SLC30A10: variants seen among roughly 807,000 people sequenced by gnomAD.
The protein encoded by SLC30A10 is calcium/manganese antiporter SLC30A10.
SLC30A10 carries 8 observed loss-of-function variants against 21.7 expected under a neutral mutation model. The ratio of observed to expected loss-of-function variants is 0.37; its 90% CI spans 0.22 to 0.67. The LOEUF (loss-of-function observed/expected upper bound fraction) is 0.67, where lower values mean the gene tolerates loss of function less well. Among genes scored for constraint, SLC30A10 ranks in the 30% least tolerant of loss-of-function variants. SLC30A10 has a pLI of 0.58. For missense variants in SLC30A10, 521 were observed against 642.5 expected (o/e 0.81, Z 2.04); for synonymous variants, 272 against 279.4 (o/e 0.97, Z 0.26).
At chr1:219,952,403 A>T (rs1363464063) in intron 1 of SLC30A10, among the ~76,000 whole-genome samples, 4 of 152,194 alleles carry the variant, frequency 2.6e-5, no homozygotes, top group African/African-American at 4.8e-5. Context: ...TGGTATGTTC[A>T]TTTGCACATT....
At position 219,915,268 on chromosome 1, in the gene SLC30A10, TAGTTACATAA is replaced by T. The variant is rs1256626522; in HGVS notation, c.*171_*180del. 12 of 701,090 alleles carry T rather than the reference TAGTTACATAA, an allele frequency of 1.7e-5. No homozygotes were observed. Among genetic ancestry groups the T allele is most frequent in the Non-Finnish European group, 2.7e-5 (11 of 409,270 alleles). The allele number at this position is 701,090 out of a possible 1,614,324, so 43.4% of individuals were successfully genotyped here. ...GACACCCAGGGGAATGGAAAGGAGT[TAGTTACATAA>T]AAATTCACAGACACGTTTAACTAAA... is the stretch of plus-strand genomic sequence containing the variant. On this transcript the variant is annotated 3_prime_UTR_variant, in exon 4 of 4. Transcript: ENST00000366926.
intron 2 of SLC30A10, among the ~76,000 whole-genome samples, chr1:219,921,754 C>T (rs1440027135): frequency 6.6e-6 from 1 of 152,118 alleles, no homozygotes; most frequent in Non-Finnish European, 1.5e-5. Flanking sequence ...CAGTATCCCA[C>T]TCAATTCCTG....
rs368011915 is a variant in SLC30A10, at chr1:219,957,226, T to A, written n.80+1342A>T. Among the ~76,000 whole-genome samples the A allele has an allele frequency of 4.7e-4, 72 of 152,292 alleles. 1 individual carries two copies. The highest frequency in any genetic ancestry group is 1.7e-3 in the African/African-American group (70 of 41,560). ...AAAAATCTAGACTCTAGTTTCTAAT[T>A]TATTTTTATGTTTACCACATCCTAC... is the stretch of plus-strand genomic sequence containing the variant. On this transcript the variant is annotated intron_variant and non_coding_transcript_variant, in intron 1 of 8. Coordinates refer to the SLC30A10 transcript ENST00000484239.
chr1:219,911,142 T>C lies in SLC30A10; in HGVS notation c.*4307A>G, dbSNP rs1391594498. On this transcript the variant is annotated 3_prime_UTR_variant, in exon 4 of 4. Transcript: ENST00000366926. ...TCAGGTCATGTTTCTTCATTTTTTC[T>C]ACATCAGTTTTTTTTTTTTTTTTTT... Among the ~76,000 whole-genome samples the C allele has an allele frequency of 7.2e-6, 1 of 138,688 alleles. No individual in the cohort carries two copies. Among genetic ancestry groups the C allele is most frequent in the Non-Finnish European group, 1.5e-5 (1 of 65,472 alleles). The allele number at this position is 138,688 out of a possible 152,430, so 91.0% of individuals were successfully genotyped here. A position where few individuals can be genotyped will look rare whatever the true frequency, so the allele number is the denominator to read the frequency against.
At chr1:219,928,942 G>A (rs1380923387), upstream of SLC30A10, among the ~76,000 whole-genome samples, 2 of 152,246 alleles carry the variant, frequency 1.3e-5, no homozygotes, top group Admixed American at 1.3e-4. This position sits in a 1 kb window ranked among gnomAD's most constrained non-coding sequence, Gnocchi z 6.3. Flanking sequence ...GTTCGCTGCG[G>A]TGGACTGGGA....
At chr1:219,917,473 T>C (rs1659569944) in intron 3 of SLC30A10, among the ~76,000 whole-genome samples, 1 of 152,166 alleles carries the variant, frequency 6.6e-6, no homozygotes, top group African/African-American at 2.4e-5. Context: ...TCCCACCACC[T>C]GCTCTGCCTG....
chr1:219,917,708 C>CTTTTTTTTTTTTTT (rs35106027), intron 3 of SLC30A10, among the ~76,000 whole-genome samples: 7 of 104,106 alleles, frequency 6.7e-5, no homozygotes, highest in African/African-American at 1.6e-4. Context: ...TTTTTCTTTC[C>CTTTTTTTTTTTTTT]TTTTTTTTTT....
At chr1:219,947,961 C>T (rs1294107097) in intron 1 of SLC30A10, among the ~76,000 whole-genome samples, 1 of 151,742 alleles carries the variant, frequency 6.6e-6, no homozygotes, top group African/African-American at 2.4e-5. Context: ...TTCTTATACA[C>T]CAATAACAGA....
chr1:219,913,795 TC>T lies in SLC30A10; in HGVS notation c.*1653del, dbSNP rs1157076498. 1.4e-4 allele frequency: 21 copies of T among 152,166 alleles called. No homozygotes were observed. The highest frequency in any genetic ancestry group is 5.1e-4 in the African/African-American group (21 of 41,440). 9.4% of individuals were successfully genotyped at this position (152,166 alleles called of 1,614,324 possible). A position where few individuals can be genotyped will look rare whatever the true frequency, so the allele number is the denominator to read the frequency against. On this transcript the variant is annotated 3_prime_UTR_variant, in exon 4 of 4. Coordinates refer to ENST00000366926, the MANE Select transcript of SLC30A10 (RefSeq NM_018713.3). ...ATACATTTTCAAGGAATAAAGAATT[TC>T]CTGGCCAGGTGCAGTGGCTCATGAC...
Position 219,928,101 on chromosome 1 carries a change from C to T in SLC30A10, c.340G>A (p.Glu114Lys), listed in dbSNP as rs1659890978. Residue 114 changes from glutamate (E) to lysine (K), a missense_variant, in exon 1 of 4, where the codon GAG becomes AAG. Physicochemically the swap from Glu to Lys is moderately conservative, Grantham distance 56. Transcript: ENST00000366926. The surrounding 1 kb of genome is among the most constrained non-coding windows in gnomAD (Gnocchi z 6.3). ...AGGACGCCGACGATGAGCACCAGCT[C>T]GGGGTCATCGATGCGCTCGGGCCGG... ...LARPERIDDPELVLIVGVLGL... is the reference protein window; with the variant it reads ...LARPERIDDPKLVLIVGVLGL... The T allele has an allele frequency of 6.3e-7, 1 of 1,580,006 alleles. No individual in the cohort carries two copies. The highest frequency in any genetic ancestry group is 8.6e-7 in the Non-Finnish European group (1 of 1,164,138).
chr1:219,911,173 T>TTTTTTTTA lies in SLC30A10; in HGVS notation c.*4275_*4276insTAAAAAAA, dbSNP rs1659408967. ...AGTTTTTTTTTTTTTTTTTTTTTTT[T>TTTTTTTTA]TGCAGTCTTTTACTACAGGAATGTG... On this transcript the variant is annotated 3_prime_UTR_variant, in exon 4 of 4. Transcript: ENST00000366926. Among the ~76,000 whole-genome samples, 1 of 140,014 alleles carries TTTTTTTTA rather than the reference T, an allele frequency of 7.1e-6. No homozygotes were observed. Among genetic ancestry groups the TTTTTTTTA allele is most frequent in the Non-Finnish European group, 1.5e-5 (1 of 65,168 alleles). The allele number at this position is 140,014 out of a possible 152,430, so 91.9% of individuals were successfully genotyped here.
upstream of SLC30A10, among the ~76,000 whole-genome samples, chr1:219,929,398 C>T (rs1201917150): frequency 6.6e-6 from 1 of 152,302 alleles, no homozygotes; most frequent in East Asian, 1.9e-4. Context: ...GGCTGACCTC[C>T]TCTGTGTACT....
chr1:219,939,490 A>G (rs1373372948), intron 1 of SLC30A10, among the ~76,000 whole-genome samples: 3 of 151,756 alleles, frequency 2.0e-5, no homozygotes, highest in Non-Finnish European at 4.4e-5. Flanking sequence ...TGCAGTGGCC[A>G]TTATCTTGGA....
intron 1 of SLC30A10, 149 bp downstream of exon 1, chr1:219,927,652 A>C (rs1195146043): frequency 3.3e-5 from 18 of 551,954 alleles, no homozygotes; most frequent in African/African-American, 6.5e-5. Flanking sequence ...AAAAAAAAAA[A>C]AAAAAAAAAA....
chr1:219,948,768 T>G (rs1660225485), intron 1 of SLC30A10, among the ~76,000 whole-genome samples: 3 of 152,094 alleles, frequency 2.0e-5, no homozygotes, highest in Admixed American at 2.0e-4. Flanking sequence ...AAATGGGATC[T>G]AATTAAACTA....
intron 2 of SLC30A10, among the ~76,000 whole-genome samples, chr1:219,924,394 C>G (rs1450997223): frequency 6.6e-6 from 1 of 152,050 alleles, no homozygotes; most frequent in African/African-American, 2.4e-5. Context: ...TTGGGGAAGT[C>G]GTCAAACTCT....
At position 219,928,556 on chromosome 1, in the gene SLC30A10, T is replaced by G; in HGVS notation, c.-116A>C. On this transcript the variant is annotated 5_prime_UTR_variant, in exon 1 of 4. Transcript: ENST00000366926. This position sits in a 1 kb window ranked among gnomAD's most constrained non-coding sequence, Gnocchi z 6.3. ...TGAGGCCCGGTACCCGCCTCCCAGA[T>G]TGTCTCGCCGGCCCTGCCCCACCGC... 2 of 966,008 alleles carry G rather than the reference T, an allele frequency of 2.1e-6. No homozygotes were observed. The highest frequency in any genetic ancestry group is 2.8e-6 in the Non-Finnish European group (2 of 705,248). 59.8% of individuals were successfully genotyped at this position (966,008 alleles called of 1,614,324 possible). A position where few individuals can be genotyped will look rare whatever the true frequency, so the allele number is the denominator to read the frequency against.
chr1:219,953,769 C>T lies in SLC30A10; in HGVS notation n.80+4799G>A, dbSNP rs189558996. 8.5e-3 allele frequency among the ~76,000 whole-genome samples: 1,282 copies of T among 150,856 alleles called. 14 individuals carry two copies. The highest frequency in any genetic ancestry group is 0.03 in the African/African-American group (1,219 of 40,988). On this transcript the variant is annotated intron_variant and non_coding_transcript_variant, in intron 1 of 8. Transcript: ENST00000484239. ...TTGCCCAGGCTGGAGTGCAGTGGCCCGATCTCGGCTCACTGCAAGCTCCAC... is the reference window on the plus strand; with the variant it reads ...TTGCCCAGGCTGGAGTGCAGTGGCCTGATCTCGGCTCACTGCAAGCTCCAC...
At position 219,912,122 on chromosome 1, in the gene SLC30A10, A is replaced by G. The variant is rs1035282573; in HGVS notation, c.*3327T>C. On this transcript the variant is annotated 3_prime_UTR_variant, in exon 4 of 4. Coordinates refer to ENST00000366926, the MANE Select transcript of SLC30A10 (RefSeq NM_018713.3). ...CATTCAAAACACCTGTCTCTACTGA[A>G]CTTTAGAGTTCTTGATTTACCACCA... is the stretch of plus-strand genomic sequence containing the variant. Among the ~76,000 whole-genome samples, 2 of 144,570 alleles carry G rather than the reference A, an allele frequency of 1.4e-5. No homozygotes were observed. The highest frequency in any genetic ancestry group is 3.0e-5 in the Non-Finnish European group (2 of 67,250). The allele number at this position is 144,570 out of a possible 152,430, so 94.8% of individuals were successfully genotyped here.
Sources: gnomAD v4.1 joint callset for allele counts (sites outside exome capture counted in the v4.1 genomes callset) on GRCh38, gnomAD v4.1.1 for gene constraint, Gnocchi (gnomAD v3.1) non-coding constraint, MANE v1.5 for transcripts, NCBI Gene and HGNC (gene_info 2026-07-23, HGNC 2026-07-21) for gene names.